GNPAT: variants seen among roughly 807,000 people sequenced by gnomAD.
The protein encoded by GNPAT is glyceronephosphate O-acyltransferase.
In GNPAT, 30 loss-of-function variants were observed where a neutral mutation model predicts 78.4. The ratio of observed to expected loss-of-function variants is 0.38; its 90% CI spans 0.29 to 0.52. The LOEUF (loss-of-function observed/expected upper bound fraction) is 0.52. Among genes scored for constraint, GNPAT ranks in the 20% least tolerant of loss-of-function variants. The pLI is 0.84. For missense variants in GNPAT, 714 were observed against 812.2 expected (o/e 0.88, Z 1.47); for synonymous variants, 271 against 281.1 (o/e 0.96, Z 0.36).
Position 231,267,556 on chromosome 1 carries a change from T to C in GNPAT, c.1056-124T>C, listed in dbSNP as rs991364461. ...AAAGCAAAGGAATACTGTTTGCACC[T>C]GACCTGAGAGAATTCAGTTGGCACA... is the stretch of plus-strand genomic sequence containing the variant. On this transcript the variant is annotated intron_variant, in intron 8 of 15. Transcript: ENST00000366647. 1.1e-5 allele frequency: 8 copies of C among 749,544 alleles called. No homozygotes were observed. The Admixed American group carries it at 1.5e-4, about 14-fold the overall frequency. 46.4% of individuals were successfully genotyped at this position (749,544 alleles called of 1,614,324 possible). A position where few individuals can be genotyped will look rare whatever the true frequency, so the allele number is the denominator to read the frequency against.
At chr1:231,267,322 A>G (rs1192350499) in intron 8 of GNPAT, among the ~76,000 whole-genome samples, 1 of 152,178 alleles carries the variant, frequency 6.6e-6, no homozygotes, top group African/African-American at 2.4e-5. Context: ...TACAATGGAG[A>G]TATGTTCAGC....
intron 2 of GNPAT, among the ~76,000 whole-genome samples, chr1:231,253,038 G>T (rs570263332): frequency 6.6e-6 from 1 of 152,000 alleles, no homozygotes; most frequent in Non-Finnish European, 1.5e-5. Context: ...TCGCGATCTC[G>T]GCTCACTGCA....
chr1:231,268,642 T>A (rs1188692342), intron 9 of GNPAT, among the ~76,000 whole-genome samples: 1 of 147,024 alleles, frequency 6.8e-6, no homozygotes, highest in African/African-American at 2.5e-5. Context: ...GCGTGGTGGC[T>A]CACACCTGTA....
chr1:231,262,673 T>C (rs776256366), intron 3 of GNPAT, 50 bp from the exon 4 acceptor site: 2 of 1,447,376 alleles, frequency 1.4e-6, no homozygotes, highest in Admixed American at 1.7e-5. Flanking sequence ...GAGATGTGAT[T>C]TGATAACATG....
At chr1:231,249,793 T>C (rs924443379) in intron 1 of GNPAT, among the ~76,000 whole-genome samples, 4 of 152,242 alleles carry the variant, frequency 2.6e-5, no homozygotes, top group Admixed American at 1.3e-4. Context: ...TAAGCAGTTA[T>C]ACGTGTTAGC....
chr1:231,265,912 G>A, intron 6 of GNPAT, 102 bp from the exon 7 acceptor site: 3 of 1,080,982 alleles, frequency 2.8e-6, no homozygotes, highest in Non-Finnish European at 4.3e-6. Flanking sequence ...GATATTTACG[G>A]GATTAGTGTA....
chr1:231,243,524 G>T (rs1460683278), intron 1 of GNPAT, among the ~76,000 whole-genome samples: 1 of 152,024 alleles, frequency 6.6e-6, no homozygotes, highest in Non-Finnish European at 1.5e-5. Context: ...AGGTCTCACC[G>T]TGTTGGCCAG....
intron 15 of GNPAT, among the ~76,000 whole-genome samples, chr1:231,277,168 A>G (rs926714648): frequency 2.6e-5 from 4 of 152,248 alleles, no homozygotes; most frequent in African/African-American, 9.6e-5. Context: ...AAACAACCAC[A>G]AACACCTCGC....
At chr1:231,242,321 T>A (rs980597212) in intron 1 of GNPAT, among the ~76,000 whole-genome samples, 1 of 152,334 alleles carries the variant, frequency 6.6e-6, no homozygotes, top group East Asian at 1.9e-4. Context: ...TCCTGGTGAT[T>A]ACTGTCCAAT....
chr1:231,256,479 CTTT>C (rs10693276), intron 2 of GNPAT, among the ~76,000 whole-genome samples: 22 of 75,916 alleles, frequency 2.9e-4, no homozygotes, highest in East Asian at 1.8e-3. Context: ...CTAATTTTCT[CTTT>C]TTTTTTTTTT....
In GNPAT at chr1:231,277,765, T is replaced by G; in HGVS notation, c.*223T>G. ...TTGTATCTGACACTATGTGTGTGTT[T>G]TAAAATAAACTTTTGGAAACATGTT... is the stretch of plus-strand genomic sequence containing the variant. On this transcript the variant is annotated 3_prime_UTR_variant, in exon 16 of 16. Coordinates refer to ENST00000366647, the MANE Select transcript of GNPAT (RefSeq NM_014236.4). The G allele has an allele frequency of 2.0e-6, 1 of 506,854 alleles. No individual in the cohort carries two copies. The highest frequency in any genetic ancestry group is 3.5e-6 in the Non-Finnish European group (1 of 282,412). The allele number at this position is 506,854 out of a possible 1,614,324, so 31.4% of individuals were successfully genotyped here. A position where few individuals can be genotyped will look rare whatever the true frequency, so the allele number is the denominator to read the frequency against.
chr1:231,274,067 G>A lies in GNPAT; in HGVS notation c.1743+5G>A, dbSNP rs774842109. 1.2e-6 allele frequency: 2 copies of A among 1,612,600 alleles called. No homozygotes were observed. The highest frequency in any genetic ancestry group is 1.7e-6 in the Non-Finnish European group (2 of 1,178,820). Reference sequence around the variant, plus strand: ...CCTTTTGTGGAAAGCTATCAGGTATGTAAATTTGGCAAGTTCTCCTTCATG... The same window carrying A: ...CCTTTTGTGGAAAGCTATCAGGTATATAAATTTGGCAAGTTCTCCTTCATG... On this transcript the variant is annotated splice_donor_5th_base_variant and intron_variant, in intron 12 of 15. Transcript: ENST00000366647.
intron 1 of GNPAT, among the ~76,000 whole-genome samples, chr1:231,250,694 C>G (rs1010498499): frequency 6.6e-6 from 1 of 152,116 alleles, no homozygotes; most frequent in Non-Finnish European, 1.5e-5. Flanking sequence ...TCTTTGCTGT[C>G]TTCATTAAAT....
chr1:231,259,723 C>T (rs369138654), intron 2 of GNPAT, among the ~76,000 whole-genome samples: 50 of 151,956 alleles, frequency 3.3e-4, no homozygotes, highest in African/African-American at 1.1e-3. Flanking sequence ...GATACTTCTT[C>T]ACTACATGTA....
At chr1:231,249,123 A>G (rs1437539641) in intron 1 of GNPAT, among the ~76,000 whole-genome samples, 1 of 152,182 alleles carries the variant, frequency 6.6e-6, no homozygotes, top group African/African-American at 2.4e-5. Context: ...AAATGATATA[A>G]TGGTAGTTGG....
chr1:231,270,586 T>A (rs1452104892), intron 9 of GNPAT, among the ~76,000 whole-genome samples, 172 bp from the exon 10 acceptor site: 1 of 152,182 alleles, frequency 6.6e-6, no homozygotes, highest in African/African-American at 2.4e-5. Flanking sequence ...TATGAAATAG[T>A]ACTTTTAAAT....
rs565388435 is a variant in GNPAT at position 231,258,363 on chromosome 1, C to T, written c.262-2144C>T. 7.4e-4 allele frequency: 112 copies of T among 152,350 alleles called. 1 individual carries two copies. Among genetic ancestry groups the T allele is most frequent in the African/African-American group, 2.6e-3 (108 of 41,540 alleles). The allele number at this position is 152,350 out of a possible 1,614,324, so 9.4% of individuals were successfully genotyped here. A position where few individuals can be genotyped will look rare whatever the true frequency, so the allele number is the denominator to read the frequency against. On this transcript the variant is annotated intron_variant, in intron 2 of 15. Transcript: ENST00000366647. ...CCTCAGGATCCCTTCTTCCATCTGT[C>T]CCTTTTAGTCCAGTCTCAGAGAAAA...
intron 2 of GNPAT, among the ~76,000 whole-genome samples, chr1:231,253,248 C>T (rs1329651168): frequency 6.6e-6 from 1 of 152,176 alleles, no homozygotes; most frequent in African/African-American, 2.4e-5. Context: ...GGATTACAGG[C>T]GTGAGCCGCC....
In GNPAT at chr1:231,277,419, A is replaced by G. The variant is rs1316678792; in HGVS notation, c.2000-80A>G. On this transcript the variant is annotated intron_variant, in intron 15 of 15. Transcript: ENST00000366647. ...CACAAGTCTCCAGCTTCTCCCCTGG[A>G]CAGTCGCCCAAGGAACAGCTGTATG... The G allele has an allele frequency of 4.7e-6, 4 of 852,640 alleles. No homozygotes were observed. In the African/African-American group the frequency reaches 6.6e-5, roughly 14 times the overall value. 52.8% of individuals were successfully genotyped at this position (852,640 alleles called of 1,614,324 possible). A position where few individuals can be genotyped will look rare whatever the true frequency, so the allele number is the denominator to read the frequency against.
Sources: allele counts gnomAD v4.1 joint callset (sites outside exome capture counted in the v4.1 genomes callset), GRCh38; gene constraint gnomAD v4.1.1; transcripts MANE v1.5; gene names NCBI Gene and HGNC (gene_info 2026-07-23, HGNC 2026-07-21).